The following PSPC1 variants were observed in gnomAD, a reference collection of about 807,000 sequenced individuals.
PSPC1 encodes paraspeckle protein 1.
PSPC1 carries 14 observed loss-of-function variants against 51.6 expected under a neutral mutation model. The observed-to-expected ratio is 0.27, with a 90% CI of 0.18 to 0.42. PSPC1 has a LOEUF of 0.42. PSPC1 is among the 10% of genes least tolerant of loss of function. The probability of loss-of-function intolerance (pLI) is 1.00; values close to 1 mark genes in which losing one functional copy is unlikely to be tolerated. For synonymous variants in PSPC1, 193 were observed against 231.9 expected (o/e 0.83, Z 1.53); for missense variants, 406 against 701.1 (o/e 0.58, Z 4.75).
intron 2 of PSPC1, among the ~76,000 whole-genome samples, chr13:19,770,481 G>A (rs1888523485): frequency 6.6e-6 from 1 of 152,026 alleles, no homozygotes; most frequent in Non-Finnish European, 1.5e-5. Flanking sequence ...CCAACATGGT[G>A]AAACCCCGTC....
downstream of PSPC1, chr13:19,699,321 A>G (rs1593557282): frequency 6.6e-6 from 1 of 150,632 alleles, no homozygotes; most frequent in African/African-American, 2.4e-5. Flanking sequence ...TTTTTTCTGC[A>G]TTTTTTTTTC....
intron 6 of PSPC1, among the ~76,000 whole-genome samples, chr13:19,690,808 T>C (rs1878452265): frequency 6.6e-6 from 1 of 152,206 alleles, no homozygotes; most frequent in Non-Finnish European, 1.5e-5. Flanking sequence ...TTCTTCTCTT[T>C]CCTCTTTAGA....
intron 3 of PSPC1, among the ~76,000 whole-genome samples, chr13:19,755,132 G>C (rs1886941663): frequency 6.6e-6 from 1 of 152,076 alleles, no homozygotes; most frequent in East Asian, 1.9e-4. Context: ...TACTTGGGGG[G>C]TGCTGAGGTG....
rs767777901 is a variant in PSPC1 at position 19,772,360 on chromosome 13, C to T, written c.556G>A (p.Val186Ile). 6 of 1,614,234 alleles carry T rather than the reference C, an allele frequency of 3.7e-6. No individual in the cohort carries two copies. Among genetic ancestry groups the T allele is most frequent in the Non-Finnish European group, 4.2e-6 (5 of 1,180,050 alleles). Residue 186 changes from valine to isoleucine, a missense_variant, in exon 2 of 9, where the codon GTT (valine) becomes ATT (isoleucine). Val to Ile is a conservative substitution (Grantham distance 29, BLOSUM62 3). Transcript: ENST00000338910. ...CTACCGCGATCATCCACAACCACAA[C>T]AGCTTTCTCTACTGGACCAAACTGA... Reference protein sequence around the residue: ...FSQFGPVEKAVVVVDDRGRAT... With the variant: ...FSQFGPVEKAIVVVDDRGRAT...
chr13:19,746,060 C>T (rs1472760447), intron 4 of PSPC1, among the ~76,000 whole-genome samples: 1 of 143,782 alleles, frequency 7.0e-6, no homozygotes, highest in Non-Finnish European at 1.5e-5. Flanking sequence ...GGCTGGAGTG[C>T]GGTGGTGCGA....
At chr13:19,692,241 A>G (rs1878657792) in intron 6 of PSPC1, among the ~76,000 whole-genome samples, 1 of 152,062 alleles carries the variant, frequency 6.6e-6, no homozygotes, top group Admixed American at 6.6e-5. Context: ...CTCCTGCCTC[A>G]GCCTCCCGAG....
At chr13:19,703,987 T>C (rs1415892378) in intron 8 of PSPC1, among the ~76,000 whole-genome samples, 3 of 152,186 alleles carry the variant, frequency 2.0e-5, no homozygotes, top group African/African-American at 7.2e-5. Flanking sequence ...ATTAAGTATT[T>C]TGAAAAACTT....
intron 5 of PSPC1, among the ~76,000 whole-genome samples, chr13:19,730,961 A>AAAAAAAAC (rs1441202332): frequency 8.5e-5 from 2 of 23,510 alleles, no homozygotes; most frequent in Non-Finnish European, 1.5e-4. Flanking sequence ...AAAAAACAAA[A>AAAAAAAAC]AAACAAAAAA....
chr13:19,730,909 T>C lies in PSPC1; in HGVS notation c.1053-565A>G, dbSNP rs1418463568. On this transcript the variant is annotated intron_variant, in intron 5 of 8. Coordinates refer to ENST00000338910, the MANE Select transcript of PSPC1 (RefSeq NM_001354909.2). ...TTGCAGTGAGCGGAGATCGCGCCCC[T>C]GCACTCCAGACTGGGCAACAGTGAG... Among the ~76,000 whole-genome samples, 3 of 134,746 alleles carry C rather than the reference T, an allele frequency of 2.2e-5. No individual in the cohort carries two copies. In the East Asian group the frequency reaches 6.6e-4, roughly 29 times the overall value. The allele number at this position is 134,746 out of a possible 152,430, so 88.4% of individuals were successfully genotyped here. A position where few individuals can be genotyped will look rare whatever the true frequency, so the allele number is the denominator to read the frequency against.
chr13:19,752,654 C>A, intron 3 of PSPC1, among the ~76,000 whole-genome samples: 1 of 151,862 alleles, frequency 6.6e-6, no homozygotes, highest in East Asian at 1.9e-4. Context: ...GGTATAATCT[C>A]AGCTCACTGC....
chr13:19,704,776 T>G (rs1437049703), intron 8 of PSPC1, among the ~76,000 whole-genome samples: 1 of 152,126 alleles, frequency 6.6e-6, no homozygotes, highest in East Asian at 1.9e-4. Flanking sequence ...TTCATAGTAT[T>G]TAATCCACAC....
intron 7 of PSPC1, among the ~76,000 whole-genome samples, chr13:19,709,214 T>C (rs1881102965): frequency 6.8e-6 from 1 of 147,876 alleles, no homozygotes; most frequent in African/African-American, 2.5e-5. Context: ...ATTTTAAAAC[T>C]GCAAAGACAG....
At chr13:19,750,275 C>CAAA (rs1470127827) in intron 4 of PSPC1, among the ~76,000 whole-genome samples, 1 of 151,672 alleles carries the variant, frequency 6.6e-6, no homozygotes, top group Admixed American at 6.6e-5. Context: ...AAGGTAAATA[C>CAAA]AAAAAAACTA....
chr13:19,772,542 T>G lies in PSPC1; in HGVS notation c.374A>C (p.Glu125Ala), dbSNP rs778971748. 6.4e-7 allele frequency: 1 copy of G among 1,572,454 alleles called. No individual in the cohort carries two copies. Among genetic ancestry groups the G allele is most frequent in the Non-Finnish European group, 8.6e-7 (1 of 1,161,210 alleles). ...TGCAATTTCAGCCAGGGTTCTGGAT[T>G]CCTTTTTAGGAAGAAAAAACATTTT... ...RDRGFGFIRL[E>A]SRTLAEIAKA... Residue 125 changes from glutamate to alanine, a missense_variant and splice_region_variant, in exon 2 of 9, where the codon GAA becomes GCA. This residue lies in a region of PSPC1 where 180 missense variants were observed against 337.9 expected (regional missense o/e 0.53). Coordinates refer to ENST00000338910, the MANE Select transcript of PSPC1 (RefSeq NM_001354909.2).
At chr13:19,710,636 C>G (rs558530179) in intron 6 of PSPC1, among the ~76,000 whole-genome samples, 2 of 152,014 alleles carry the variant, frequency 1.3e-5, no homozygotes, top group African/African-American at 4.8e-5. Context: ...AAATAAAAGC[C>G]TATGATGGAA....
chr13:19,734,571 G>T (rs1221428001), intron 5 of PSPC1, among the ~76,000 whole-genome samples: 1 of 152,154 alleles, frequency 6.6e-6, no homozygotes, highest in Non-Finnish European at 1.5e-5. Context: ...GGAGGCCAAG[G>T]CCGGCAGATC....
intron 4 of PSPC1, among the ~76,000 whole-genome samples, chr13:19,748,826 A>G (rs901982362): frequency 1.1e-4 from 16 of 150,172 alleles, no homozygotes; most frequent in African/African-American, 3.7e-4. Context: ...GGGCTAGGGT[A>G]ACCACAGAGC....
intron 6 of PSPC1, among the ~76,000 whole-genome samples, chr13:19,696,863 C>CT (rs1879324623): frequency 1.3e-5 from 2 of 152,226 alleles, no homozygotes; most frequent in Non-Finnish European, 2.9e-5. Flanking sequence ...TCAAAGTACA[C>CT]TTCTCCACAT....
chr13:19,730,293 TTC>T lies in PSPC1; in HGVS notation c.1102_1103del (p.Glu368ThrfsTer12). 1 of 1,614,194 alleles carries T rather than the reference TTC, an allele frequency of 6.2e-7. No individual in the cohort carries two copies. The highest frequency in any genetic ancestry group is 1.1e-5 in the South Asian group (1 of 91,070). ...RREEEMIRHR[E>X]QEELRRQQEG... Reference sequence around the variant, plus strand: ...CTTGCTGTCGCCTCAGTTCCTCCTGTTCTCTGTGTCGGATCATTTCTTCCTCA... The same window carrying T: ...CTTGCTGTCGCCTCAGTTCCTCCTGTTCTGTGTCGGATCATTTCTTCCTCA... On this transcript the variant is annotated frameshift_variant, in exon 6 of 9. Transcript: ENST00000338910. LOFTEE classifies it high-confidence loss of function.
Sources: allele counts gnomAD v4.1 joint callset (sites outside exome capture counted in the v4.1 genomes callset), GRCh38; gene constraint gnomAD v4.1.1; regional missense constraint gnomAD v4.1.1; transcripts MANE v1.5; gene names NCBI Gene and HGNC (gene_info 2026-07-23, HGNC 2026-07-21).